Variants in F3 observed in about 807,000 individuals in gnomAD.
The protein encoded by F3 is tissue factor.
A neutral mutation model predicts 33.5 loss-of-function variants in F3; 18 were observed. The ratio of observed to expected loss-of-function variants is 0.54; its 90% CI spans 0.37 to 0.80. The LOEUF (loss-of-function observed/expected upper bound fraction) is 0.80, where lower values mean the gene tolerates loss of function less well. Ranked by LOEUF, F3 falls within the 30% of genes least tolerant of loss-of-function variation. The pLI, the probability that F3 is intolerant of heterozygous loss-of-function variation, is 0.00. For missense variants in F3, 353 were observed against 362.1 expected, an observed-to-expected ratio of 0.97 and a Z score of 0.20; for synonymous variants, 147 against 140.7, an observed-to-expected ratio of 1.05 and a Z score of -0.32.
intron 2 of F3, 152 bp from the exon 3 acceptor site, chr1:94,536,316 T>A (rs1164018643): frequency 1.4e-6 from 1 of 695,238 alleles, no homozygotes; most frequent in Non-Finnish European, 2.4e-6. Context: ...GCACTTTGCT[T>A]TTTTTTAAAC....
chr1:94,534,386 G>A (rs561370552), intron 3 of F3, among the ~76,000 whole-genome samples: 2 of 152,308 alleles, frequency 1.3e-5, no homozygotes, highest in East Asian at 1.9e-4. Context: ...CAGGGAGTCG[G>A]TGCCTCTCAG....
chr1:94,536,645 C>A (rs1651618185), intron 2 of F3, among the ~76,000 whole-genome samples: 1 of 152,136 alleles, frequency 6.6e-6, no homozygotes, highest in African/African-American at 2.4e-5. Context: ...AATGTAGACG[C>A]TCTCTGTCAG....
At chr1:94,535,911 A>C in intron 3 of F3, 54 bp downstream of exon 3, 1 of 1,525,206 alleles carries the variant, frequency 6.6e-7, no homozygotes, top group East Asian at 2.3e-5. Context: ...AGATCACGAG[A>C]ATGTTCAGAC....
chr1:94,535,722 A>G (rs1455546795), intron 3 of F3, among the ~76,000 whole-genome samples: 1 of 152,064 alleles, frequency 6.6e-6, no homozygotes, highest in Non-Finnish European at 1.5e-5. Context: ...TGAGGACAGT[A>G]ACAGGGTCTG....
At position 94,530,396 on chromosome 1, in the gene F3, T is replaced by G; in HGVS notation, c.*64A>C. ...CTCATTTGCGTTTCCATGTATTCTA[T>G]CCTCTTAAAAGTTCTCGGTCACAGT... On this transcript the variant is annotated 3_prime_UTR_variant, in exon 6 of 6. Coordinates refer to ENST00000334047, the MANE Select transcript of F3 (RefSeq NM_001993.5). 1 of 1,599,602 alleles carries G rather than the reference T, an allele frequency of 6.3e-7. No homozygotes were observed. Among genetic ancestry groups the G allele is most frequent in the Non-Finnish European group, 8.5e-7 (1 of 1,171,828 alleles).
At position 94,529,222 on chromosome 1, in the gene F3, C is replaced by T. The variant is rs956973245; in HGVS notation, c.*1238G>A. On this transcript the variant is annotated 3_prime_UTR_variant, in exon 6 of 6. Coordinates refer to ENST00000334047, the MANE Select transcript of F3 (RefSeq NM_001993.5). ...GCGAAAAAGATACGTTGTTGTAAGC[C>T]ACTGACAATTTTACAGTCATTTACT... is the stretch of plus-strand genomic sequence containing the variant. 1.3e-5 allele frequency: 2 copies of T among 152,584 alleles called. No homozygotes were observed. The highest frequency in any genetic ancestry group is 4.8e-5 in the African/African-American group (2 of 41,430). The allele number at this position is 152,584 out of a possible 1,614,324, so 9.5% of individuals were successfully genotyped here.
Position 94,536,098 on chromosome 1 carries a change from G to T in F3, c.279C>A (p.Asp93Glu). Residue 93 changes from aspartate (D) to glutamate (E), a missense_variant, in exon 3 of 6, where the codon GAC becomes GAA. Asp to Glu is a conservative substitution (Grantham distance 45). Transcript: ENST00000334047. The part of the protein sequence containing the change: ...YTTDTECDLT[D>E]EIVKDVKQTY... ...TCTGCTTCACATCCTTCACAATCTC[G>T]TCGGTGAGGTCACACTCTGTGTCTG... 3 of 1,614,082 alleles carry T rather than the reference G, an allele frequency of 1.9e-6. No homozygotes were observed. The highest frequency in any genetic ancestry group is 1.7e-6 in the Non-Finnish European group (2 of 1,179,990).
chr1:94,541,540 A>G lies in F3; in HGVS notation c.97T>C (p.Ser33Pro). The G allele has an allele frequency of 6.7e-7, 1 of 1,492,638 alleles. No individual in the cohort carries two copies. 92.5% of individuals were successfully genotyped at this position (1,492,638 alleles called of 1,614,324 possible). ...TCCAGGGGCTGGTGCCACTCACCTG[A>G]AGCGCCGGCCACCTGGGCGAAGACC... ...GWVFAQVAGA[S>P]GTTNTVAAYN... is the part of the protein sequence containing the mutation. The change falls in exon 1 of 6, where the codon TCA (serine) becomes CCA (proline). Residue 33 changes from serine (S) to proline (P), a missense_variant. Ser to Pro is a moderately conservative substitution (Grantham distance 74, BLOSUM62 -1). Coordinates refer to ENST00000334047, the MANE Select transcript of F3 (RefSeq NM_001993.5).
At chr1:94,540,593 C>T (rs1394406706) in intron 1 of F3, 1 of 474,676 alleles carries the variant, frequency 2.1e-6, no homozygotes, top group Non-Finnish European at 3.7e-6. Context: ...AGGACACCGG[C>T]AAGGATCTTG....
At chr1:94,541,499 T>C in intron 1 of F3, 38 bp downstream of exon 1, 1 of 1,409,214 alleles carries the variant, frequency 7.1e-7, no homozygotes, top group Non-Finnish European at 9.3e-7. Flanking sequence ...CTCCTGCGTG[T>C]GGCGCGCCCC....
rs745543730 is a variant in F3 at position 94,536,089 on chromosome 1, C to T, written c.288G>A (p.Val96=). 6.2e-7 allele frequency: 1 copy of T among 1,614,042 alleles called. No individual in the cohort carries two copies. The highest frequency in any genetic ancestry group is 8.5e-7 in the Non-Finnish European group (1 of 1,180,046). Residue 96 remains valine, a synonymous_variant, in exon 3 of 6, where the codon GTG becomes GTA. Coordinates refer to ENST00000334047, the MANE Select transcript of F3 (RefSeq NM_001993.5). ...CCAAGTACGTCTGCTTCACATCCTT[C>T]ACAATCTCGTCGGTGAGGTCACACT... The part of the protein sequence containing the change: ...DTECDLTDEI[V]KDVKQTYLAR...
intron 2 of F3, 101 bp from the exon 3 acceptor site, chr1:94,536,265 G>C (rs1651603339): frequency 9.7e-7 from 1 of 1,027,368 alleles, no homozygotes. Flanking sequence ...CTAACATCAG[G>C]AGCCCTACAA....
intron 4 of F3, chr1:94,532,849 C>T (rs1407732581): frequency 2.0e-5 from 11 of 557,512 alleles, no homozygotes; most frequent in South Asian, 1.5e-4. Context: ...CTGATCCAGC[C>T]GGTTGGCTGA....
chr1:94,534,789 T>C (rs1490553831), intron 3 of F3, among the ~76,000 whole-genome samples: 1 of 152,080 alleles, frequency 6.6e-6, no homozygotes, highest in African/African-American at 2.4e-5. Context: ...AACAAACACA[T>C]AAAATATCTT....
chr1:94,532,123 T>G (rs3917644), intron 5 of F3, among the ~76,000 whole-genome samples, 198 bp downstream of exon 5: 25 of 152,342 alleles, frequency 1.6e-4, no homozygotes, highest in Middle Eastern at 3.4e-3. Flanking sequence ...GAAACATTTC[T>G]AAATGTCCAA....
At chr1:94,539,606 C>G (rs1171577578) in intron 2 of F3, among the ~76,000 whole-genome samples, 1 of 152,122 alleles carries the variant, frequency 6.6e-6, no homozygotes, top group African/African-American at 2.4e-5. Context: ...AAGTCATAAC[C>G]TTTAGATTGA....
At chr1:94,534,351 A>G (rs983378841) in intron 3 of F3, among the ~76,000 whole-genome samples, 1 of 152,204 alleles carries the variant, frequency 6.6e-6, no homozygotes, top group South Asian at 2.1e-4. Context: ...TGGGGAGTCA[A>G]GTTATACTCG....
intron 4 of F3, 41 bp downstream of exon 4, chr1:94,533,049 A>T: frequency 6.3e-7 from 1 of 1,585,090 alleles, no homozygotes; most frequent in Non-Finnish European, 8.6e-7. Context: ...AAGTATTCAC[A>T]ATTTAAAACA....
intron 1 of F3, chr1:94,541,057 C>T: frequency 6.5e-6 from 1 of 153,768 alleles, no homozygotes; most frequent in Admixed American, 6.5e-5. Flanking sequence ...TGGATTGCCT[C>T]TACCCAAACC....
Sources: gnomAD v4.1 joint callset for allele counts (sites outside exome capture counted in the v4.1 genomes callset) on GRCh38, gnomAD v4.1.1 for gene constraint, MANE v1.5 for transcripts, NCBI Gene and HGNC (gene_info 2026-07-23, HGNC 2026-07-21) for gene names.